C3orf20: variants seen among roughly 807,000 people sequenced by gnomAD.
C3orf20 encodes uncharacterized protein C3orf20.
Under a neutral mutation model 88.3 loss-of-function variants are expected in C3orf20, and 76 were observed. That is an observed-to-expected ratio of 0.86 (90% confidence interval 0.72 to 1.04). The LOEUF is 1.04. Ranked by LOEUF, C3orf20 falls within the 50% of genes least tolerant of loss-of-function variation. The probability of loss-of-function intolerance (pLI) is 0.00; values close to 1 mark genes in which losing one functional copy is unlikely to be tolerated. For synonymous variants in C3orf20, 436 were observed against 437.4 expected, an observed-to-expected ratio of 1.00 and a Z score of 0.04; for missense variants, 1,056 against 1,123.3, an observed-to-expected ratio of 0.94 and a Z score of 0.86.
At chr3:14,695,107 T>C (rs1235643564) in intron 5 of C3orf20, among the ~76,000 whole-genome samples, 1 of 152,178 alleles carries the variant, frequency 6.6e-6, no homozygotes, top group Admixed American at 6.5e-5. Flanking sequence ...TTTTCTTCTT[T>C]TTGATGTAGG....
At chr3:14,684,109 C>A in intron 3 of C3orf20, 133 bp from the exon 4 acceptor site, 1 of 1,209,716 alleles carries the variant, frequency 8.3e-7, no homozygotes, top group South Asian at 1.5e-5. Context: ...CACAGTAGCC[C>A]CCTCACCCCT....
intron 12 of C3orf20, among the ~76,000 whole-genome samples, chr3:14,749,880 C>G (rs2035169967): frequency 6.6e-6 from 1 of 151,986 alleles, no homozygotes; most frequent in Admixed American, 6.6e-5. Context: ...GTACAGCTTC[C>G]TTCCCACCTC....
chr3:14,730,875 T>A (rs1044601499), intron 12 of C3orf20, among the ~76,000 whole-genome samples: 1 of 152,234 alleles, frequency 6.6e-6, no homozygotes, highest in African/African-American at 2.4e-5. Context: ...AGTGACAAAG[T>A]GGTTTTTTAT....
At chr3:14,715,056 T>C (rs2033888983) in intron 8 of C3orf20, among the ~76,000 whole-genome samples, 2 of 152,226 alleles carry the variant, frequency 1.3e-5, no homozygotes, top group Non-Finnish European at 2.9e-5. Context: ...CTTCCCCTTC[T>C]GGGTTTGGCC....
intron 9 of C3orf20, among the ~76,000 whole-genome samples, chr3:14,716,851 C>G (rs2033960794): frequency 6.6e-6 from 1 of 152,196 alleles, no homozygotes; most frequent in African/African-American, 2.4e-5. Context: ...GCAACCCTGA[C>G]TCAGTTGGTA....
At chr3:14,751,141 CA>C (rs2035208363) in intron 12 of C3orf20, among the ~76,000 whole-genome samples, 1 of 152,154 alleles carries the variant, frequency 6.6e-6, no homozygotes, top group African/African-American at 2.4e-5. Context: ...GATTACTTTT[CA>C]TAATTCTTGT....
chr3:14,677,969 G>GCCAACTTCAGTAGTTTC (rs59668446), intron 1 of C3orf20, among the ~76,000 whole-genome samples: 121,021 of 150,732 alleles, frequency 0.8, 49,920 homozygotes, highest in Non-Finnish European at 0.9. Flanking sequence ...TCCTTTGTTT[G>GCCAACTTCAGTAGTTTC]CCAACTTCAG....
intron 1 of C3orf20, among the ~76,000 whole-genome samples, chr3:14,678,575 T>A (rs769406932): frequency 2.8e-4 from 43 of 152,246 alleles, no homozygotes; most frequent in Non-Finnish European, 4.8e-4. Flanking sequence ...GATTGTTGAC[T>A]GAAGAAGGTG....
intron 6 of C3orf20, among the ~76,000 whole-genome samples, chr3:14,703,549 G>A (rs1160796522): frequency 6.6e-6 from 1 of 152,224 alleles, no homozygotes; most frequent in East Asian, 1.9e-4. Flanking sequence ...GGAAACTGAG[G>A]CAGCCTAAGC....
At chr3:14,702,742 T>C (rs571033458) in intron 5 of C3orf20, among the ~76,000 whole-genome samples, 1 of 152,244 alleles carries the variant, frequency 6.6e-6, no homozygotes, top group Non-Finnish European at 1.5e-5. Context: ...TGCCTGACCA[T>C]GTCCTCACAT....
intron 1 of C3orf20, among the ~76,000 whole-genome samples, chr3:14,678,774 A>G (rs2031926199): frequency 1.3e-5 from 2 of 152,188 alleles, no homozygotes; most frequent in South Asian, 4.1e-4. Context: ...CATTGTAGAG[A>G]TTATAAAAGA....
At chr3:14,742,039 T>C (rs899287772) in intron 12 of C3orf20, among the ~76,000 whole-genome samples, 2 of 152,234 alleles carry the variant, frequency 1.3e-5, no homozygotes, top group African/African-American at 4.8e-5. Context: ...ATCCTCAGTT[T>C]GGTCTGGTGT....
At chr3:14,693,680 A>C (rs1318633126) in intron 5 of C3orf20, among the ~76,000 whole-genome samples, 1 of 152,000 alleles carries the variant, frequency 6.6e-6, no homozygotes, top group Non-Finnish European at 1.5e-5. Flanking sequence ...GATGCCCTTT[A>C]TTTCTTTCTC....
Position 14,715,212 on chromosome 3 carries a change from G to T in C3orf20, c.1314-77G>T. On this transcript the variant is annotated intron_variant, in intron 8 of 16. Coordinates refer to ENST00000253697, the MANE Select transcript of C3orf20 (RefSeq NM_032137.5). ...GCCTGGGACTGAGTCTTACAGACCT[G>T]TCTGCCCATAACCTGCGGTGATGAG... The T allele has an allele frequency of 3.2e-6, 5 of 1,553,840 alleles. No homozygotes were observed. The South Asian group carries it at 3.7e-5, about 12-fold the overall frequency.
chr3:14,729,950 G>A (rs1222463587), intron 12 of C3orf20, among the ~76,000 whole-genome samples: 2 of 152,192 alleles, frequency 1.3e-5, no homozygotes, highest in African/African-American at 2.4e-5. Context: ...AATCCTAAGT[G>A]TGTAGCTCAA....
At chr3:14,710,589 T>C (rs1212781806) in intron 7 of C3orf20, among the ~76,000 whole-genome samples, 1 of 152,226 alleles carries the variant, frequency 6.6e-6, no homozygotes, top group Non-Finnish European at 1.5e-5. Context: ...TCCCTTGTGA[T>C]TTCTTTATCC....
intron 12 of C3orf20, among the ~76,000 whole-genome samples, chr3:14,735,810 G>A (rs1171280201): frequency 1.3e-5 from 2 of 151,986 alleles, no homozygotes; most frequent in African/African-American, 4.8e-5. Flanking sequence ...GGCCAGGCTG[G>A]TCTTGAACTC....
intron 12 of C3orf20, among the ~76,000 whole-genome samples, chr3:14,754,072 C>G (rs572698720): frequency 2.0e-5 from 3 of 152,318 alleles, no homozygotes; most frequent in African/African-American, 7.2e-5. Context: ...GGTTCCAAAC[C>G]TGGTATCTAT....
intron 7 of C3orf20, among the ~76,000 whole-genome samples, chr3:14,707,430 G>A (rs924299902): frequency 2.1e-5 from 3 of 146,332 alleles, no homozygotes; most frequent in South Asian, 4.4e-4. Context: ...GACGAATGGC[G>A]TAGAGCATCT....
Sources: allele counts gnomAD v4.1 joint callset (sites outside exome capture counted in the v4.1 genomes callset), GRCh38; gene constraint gnomAD v4.1.1; transcripts MANE v1.5; gene names NCBI Gene and HGNC (gene_info 2026-07-23, HGNC 2026-07-21).